The following COL6A6 variants were observed in gnomAD, a reference collection of about 807,000 sequenced individuals.
The protein encoded by COL6A6 is collagen type VI alpha 6 chain.
In COL6A6, 183 loss-of-function variants were observed where a neutral mutation model predicts 208.6. That is an observed-to-expected ratio of 0.88 (90% confidence interval 0.78 to 0.99). The LOEUF is 0.99. COL6A6 is among the 50% of genes least tolerant of loss of function. The probability of loss-of-function intolerance (pLI) is 0.00; values close to 1 mark genes in which losing one functional copy is unlikely to be tolerated. For missense variants in COL6A6, 2,816 were observed against 2,815.2 expected, an observed-to-expected ratio of 1.00 and a Z score of -0.01; for synonymous variants, 973 against 1,011.8, an observed-to-expected ratio of 0.96 and a Z score of 0.73.
At chr3:130,669,623 TA>T (rs1234606426) in intron 36 of COL6A6, among the ~76,000 whole-genome samples, 11 of 152,084 alleles carry the variant, frequency 7.2e-5, no homozygotes, top group African/African-American at 2.4e-4. Flanking sequence ...TTCAAGAAGC[TA>T]ATGAGCTAAG....
rs760599933 is a variant in COL6A6, at chr3:130,565,191, A to G, written c.859A>G (p.Ile287Val). The G allele has an allele frequency of 3.2e-5, 52 of 1,614,058 alleles. No individual in the cohort carries two copies. In the Middle Eastern group the frequency reaches 6.6e-4, roughly 20 times the overall value. ...TKVINSLSMGINKSEVLQHIQ... is the reference protein window; with the variant it reads ...TKVINSLSMGVNKSEVLQHIQ... The stretch of plus-strand genomic sequence containing the variant: ...AGTGATAAATTCACTGAGCATGGGC[A>G]TAAATAAGTCAGAGGTTCTCCAGCA... The change falls in exon 4 of 37, where the codon ATA (isoleucine) becomes GTA (valine). Residue 287 changes from isoleucine (I) to valine (V), a missense_variant. Physicochemically the swap from Ile to Val is conservative, Grantham distance 29. Transcript: ENST00000358511.
At chr3:130,559,976 CTG>C (rs1438065537) in intron 1 of COL6A6, among the ~76,000 whole-genome samples, 1 of 152,162 alleles carries the variant, frequency 6.6e-6, no homozygotes. Context: ...TGTGTCCTAA[CTG>C]TGAACCCTGA....
Position 130,566,830 on chromosome 3 carries a change from C to T in COL6A6, c.1411C>T (p.His471Tyr). Reference sequence around the variant, plus strand: ...GGTAGGGATGTTCAACATTGCTCCCCATAAGGTGCGGGTTGGGGCCGTTCA... The same window carrying T: ...GGTAGGGATGTTCAACATTGCTCCCTATAAGGTGCGGGTTGGGGCCGTTCA... ...EVVGMFNIAP[H>Y]KVRVGAVQYA... Residue 471 changes from histidine (H) to tyrosine (Y), a missense_variant, in exon 5 of 37, where the codon CAT (histidine) becomes TAT (tyrosine). By Grantham distance (83) the His-to-Tyr change is moderately conservative (BLOSUM62 2). Transcript: ENST00000358511. 6.2e-7 allele frequency: 1 copy of T among 1,613,952 alleles called. No individual in the cohort carries two copies. Among genetic ancestry groups the T allele is most frequent in the Non-Finnish European group, 8.5e-7 (1 of 1,179,880 alleles).
rs756362838 is a variant in COL6A6 at position 130,643,007 on chromosome 3, T to C, written c.5211T>C (p.Tyr1737=). 1.2e-6 allele frequency: 2 copies of C among 1,613,878 alleles called. No individual in the cohort carries two copies. Residue 1737 remains tyrosine (Y), a synonymous_variant, in exon 31 of 37, where the codon TAT becomes TAC. Transcript: ENST00000358511. The part of the protein sequence containing the change: ...ASFSTCELIQ[Y]VRDRSPGRHG... The stretch of plus-strand genomic sequence containing the variant: ...TGCAGACATGTGAGCTCATTCAGTA[T>C]GTGCGAGACCGCAGTCGTAAGTACC...
chr3:130,642,211 T>C (rs1420729030), intron 29 of COL6A6, among the ~76,000 whole-genome samples: 1 of 151,602 alleles, frequency 6.6e-6, no homozygotes, highest in African/African-American at 2.4e-5. Flanking sequence ...CCAGTTCCAT[T>C]TGTTCTTCTA....
At chr3:130,645,309 G>GT (rs1238308490) in intron 32 of COL6A6, among the ~76,000 whole-genome samples, 4 of 151,888 alleles carry the variant, frequency 2.6e-5, no homozygotes, top group South Asian at 2.1e-4. Context: ...ATATGTTGGG[G>GT]TTTTTTTTAG....
chr3:130,565,402 G>A lies in COL6A6; in HGVS notation c.1070G>A (p.Arg357Gln), dbSNP rs747310047. 1.4e-5 allele frequency: 22 copies of A among 1,613,762 alleles called. No homozygotes were observed. The highest frequency in any genetic ancestry group is 5.3e-5 in the African/African-American group (4 of 74,968). The change falls in exon 4 of 37, where the codon CGG (arginine) becomes CAG (glutamine). Residue 357 changes from arginine (R) to glutamine (Q), a missense_variant. Arg to Gln is a conservative substitution (Grantham distance 43, BLOSUM62 1). Coordinates refer to ENST00000358511, the MANE Select transcript of COL6A6 (RefSeq NM_001102608.3). ...NVTKAAVNLR[R>Q]EGVTIFTLGI... ...ACAAAAGCAGCTGTTAACCTCCGACGGGAGGGTGTGACCATCTTCACCCTG... is the reference window on the plus strand; with the variant it reads ...ACAAAAGCAGCTGTTAACCTCCGACAGGAGGGTGTGACCATCTTCACCCTG...
At chr3:130,555,118 A>G (rs534235245) in intron 1 of COL6A6, among the ~76,000 whole-genome samples, 1 of 152,302 alleles carries the variant, frequency 6.6e-6, no homozygotes, top group African/African-American at 2.4e-5. Flanking sequence ...GCTCCACTGC[A>G]TATGTTCCCA....
rs2062931178 is a variant in COL6A6 at position 130,563,085 on chromosome 3, G to A, written c.82G>A (p.Val28Ile). 1.2e-6 allele frequency: 2 copies of A among 1,611,908 alleles called. No individual in the cohort carries two copies. The highest frequency in any genetic ancestry group is 2.2e-5 in the East Asian group (1 of 44,854). ...NQDSGPEYAD[V>I]VFLVDSSDRL... ...TTTTGCAGGCCCTGAGTATGCAGATGTTGTGTTTTTGGTGGACAGCTCTGA... is the reference window on the plus strand; with the variant it reads ...TTTTGCAGGCCCTGAGTATGCAGATATTGTGTTTTTGGTGGACAGCTCTGA... The change falls in exon 3 of 37, where the codon GTT (valine) becomes ATT (isoleucine). Residue 28 changes from valine (V) to isoleucine (I), a missense_variant. Transcript: ENST00000358511.
rs949590906 is a variant in COL6A6, at chr3:130,590,729, G to A, written c.4219-312G>A. On this transcript the variant is annotated intron_variant, in intron 12 of 36. Transcript: ENST00000358511. ...ACCACAGGCACCCGCCACCACACCCGGCTAATTTTTTATATTTTTAGTAGA... is the reference window on the plus strand; with the variant it reads ...ACCACAGGCACCCGCCACCACACCCAGCTAATTTTTTATATTTTTAGTAGA... Among the ~76,000 whole-genome samples, 12 of 151,870 alleles carry A rather than the reference G, an allele frequency of 7.9e-5. No individual in the cohort carries two copies. The East Asian group carries it at 1.4e-3, about 17-fold the overall frequency.
chr3:130,564,513 C>T (rs2062970067), intron 3 of COL6A6, among the ~76,000 whole-genome samples: 1 of 152,220 alleles, frequency 6.6e-6, no homozygotes, highest in South Asian at 2.1e-4. Context: ...ATAGAGAATG[C>T]TTTCCTTGGG....
At position 130,571,108 on chromosome 3, in the gene COL6A6, A is replaced by G; in HGVS notation, c.2692A>G (p.Met898Val). 1 of 1,613,956 alleles carries G rather than the reference A, an allele frequency of 6.2e-7. No homozygotes were observed. Among genetic ancestry groups the G allele is most frequent in the Non-Finnish European group, 8.5e-7 (1 of 1,179,840 alleles). ...TAEALGFSDH[M>V]FTEARGSRLN... Reference sequence around the variant, plus strand: ...TGAGGCACTGGGCTTCTCAGACCACATGTTCACTGAAGCCCGGGGCAGCCG... The same window carrying G: ...TGAGGCACTGGGCTTCTCAGACCACGTGTTCACTGAAGCCCGGGGCAGCCG... Residue 898 changes from methionine to valine, a missense_variant, in exon 7 of 37, where the codon ATG becomes GTG. Transcript: ENST00000358511.
intron 8 of COL6A6, among the ~76,000 whole-genome samples, chr3:130,578,491 G>C (rs2063345527): frequency 6.6e-6 from 1 of 152,144 alleles, no homozygotes; most frequent in South Asian, 2.1e-4. Context: ...GTAAATACAA[G>C]GTAGTATGTT....
chr3:130,591,953 G>A (rs2063727017), intron 13 of COL6A6, among the ~76,000 whole-genome samples: 1 of 152,216 alleles, frequency 6.6e-6, no homozygotes. Context: ...ATCTGAGTCA[G>A]AGAAGATCAT....
chr3:130,560,378 T>G lies in COL6A6; in HGVS notation c.14T>G (p.Ile5Ser). The stretch of plus-strand genomic sequence containing the variant: ...TCAGGTCATAATATGATGTTGCTAA[T>G]TTTGTTCCTCGTGATAATTTGTTCC... MMLL[I>S]LFLVIICSHI... The change falls in exon 2 of 37, where the codon ATT (isoleucine) becomes AGT (serine). Residue 5 changes from isoleucine to serine, a missense_variant. By Grantham distance (142) the Ile-to-Ser change is moderately radical. Transcript: ENST00000358511. The G allele has an allele frequency of 6.2e-7, 1 of 1,612,070 alleles. No homozygotes were observed. Among genetic ancestry groups the G allele is most frequent in the Non-Finnish European group, 8.5e-7 (1 of 1,179,288 alleles).
chr3:130,563,684 A>G lies in COL6A6; in HGVS notation c.661+20A>G. 6.7e-7 allele frequency: 1 copy of G among 1,485,794 alleles called. No individual in the cohort carries two copies. Among genetic ancestry groups the G allele is most frequent in the South Asian group, 1.2e-5 (1 of 83,474 alleles). 92.0% of individuals were successfully genotyped at this position (1,485,794 alleles called of 1,614,324 possible). On this transcript the variant is annotated intron_variant, in intron 3 of 36. Coordinates refer to ENST00000358511, the MANE Select transcript of COL6A6 (RefSeq NM_001102608.3). ...TAGAAGGTGGGCTTAGGATATGTGT[A>G]TAGGAATGATGATAAAACGCTTTTG...
intron 31 of COL6A6, among the ~76,000 whole-genome samples, chr3:130,644,278 T>C (rs1354596387): frequency 6.6e-6 from 1 of 152,206 alleles, no homozygotes; most frequent in Admixed American, 6.5e-5. Context: ...TAAAGCAGCA[T>C]TGTCCAATAG....
At chr3:130,667,294 T>C (rs990281461) in intron 36 of COL6A6, among the ~76,000 whole-genome samples, 1 of 152,236 alleles carries the variant, frequency 6.6e-6, no homozygotes, top group African/African-American at 2.4e-5. Flanking sequence ...TGGCGTGCAG[T>C]GGCATGATCT....
At chr3:130,527,391 C>T (rs2061983284) in intron 1 of COL6A6, among the ~76,000 whole-genome samples, 1 of 152,204 alleles carries the variant, frequency 6.6e-6, no homozygotes, top group South Asian at 2.1e-4. Flanking sequence ...CACTATAGGT[C>T]TTTAGGCAAG....
Sources: gnomAD v4.1 joint callset for allele counts (sites outside exome capture counted in the v4.1 genomes callset) on GRCh38, gnomAD v4.1.1 for gene constraint, MANE v1.5 for transcripts, NCBI Gene and HGNC (gene_info 2026-07-23, HGNC 2026-07-21) for gene names.